GYPC: variants seen among roughly 807,000 people sequenced by gnomAD.
GYPC encodes glycophorin C (Gerbich blood group).
Under a neutral mutation model 12.6 loss-of-function variants are expected in GYPC, and 14 were observed. The observed-to-expected ratio is 1.11, with a 90% CI of 0.74 to 1.74. GYPC has a LOEUF of 1.74. Ranked by LOEUF, GYPC falls within the 40% of genes most tolerant of loss-of-function variation. The probability of loss-of-function intolerance (pLI) is 0.00; values close to 1 mark genes in which losing one functional copy is unlikely to be tolerated. For missense variants in GYPC, 225 were observed against 172.1 expected, an observed-to-expected ratio of 1.31 and a Z score of -1.72; for synonymous variants, 78 against 62.1, an observed-to-expected ratio of 1.26 and a Z score of -1.20.
intron 2 of GYPC, among the ~76,000 whole-genome samples, chr2:126,692,170 T>C (rs1433083441): frequency 2.0e-5 from 3 of 152,144 alleles, no homozygotes; most frequent in Admixed American, 6.6e-5. Context: ...ACACCGTGAA[T>C]GCTGGATCCT....
At chr2:126,685,778 C>T (rs1029561186) in intron 1 of GYPC, 19 of 984,714 alleles carry the variant, frequency 1.9e-5, no homozygotes, top group Middle Eastern at 5.2e-4. Flanking sequence ...AAGCAGTCAA[C>T]GTTGCTGTTG....
At chr2:126,656,671 G>T (rs981149982) in intron 1 of GYPC, among the ~76,000 whole-genome samples, 1 of 152,242 alleles carries the variant, frequency 6.6e-6, no homozygotes, top group African/African-American at 2.4e-5. Context: ...TTAGGTGAGA[G>T]TTCACATCAC....
chr2:126,689,044 G>T (rs1480586506), intron 1 of GYPC, among the ~76,000 whole-genome samples: 2 of 152,118 alleles, frequency 1.3e-5, no homozygotes, highest in Non-Finnish European at 2.9e-5. Context: ...GAAACATCAG[G>T]TCCCCAATGT....
intron 1 of GYPC, among the ~76,000 whole-genome samples, chr2:126,682,428 G>A (rs529651137): frequency 6.6e-6 from 1 of 152,270 alleles, no homozygotes; most frequent in African/African-American, 2.4e-5. Context: ...AGGCATGGGG[G>A]TAGACAGGGG....
chr2:126,663,960 CT>C (rs1682612046), intron 1 of GYPC, among the ~76,000 whole-genome samples: 2 of 26,602 alleles, frequency 7.5e-5, no homozygotes, highest in Non-Finnish European at 1.8e-4. Context: ...GTCTCTCTCT[CT>C]CTCTCTCTCT....
Position 126,693,935 on chromosome 2 carries a change from G to A in GYPC, c.178G>A (p.Val60Ile). 2 of 1,608,364 alleles carry A rather than the reference G, an allele frequency of 1.2e-6. No individual in the cohort carries two copies. Among genetic ancestry groups the A allele is most frequent in the Non-Finnish European group, 1.7e-6 (2 of 1,174,794 alleles). ...CTCCACCCCCACCATAATGGACATTGTCGTCATTGCAGGTGAGCTCTCATC... is the reference window on the plus strand; with the variant it reads ...CTCCACCCCCACCATAATGGACATTATCGTCATTGCAGGTGAGCTCTCATC... ...ETSTPTIMDIVVIAGVIAAVA... is the reference protein window; with the variant it reads ...ETSTPTIMDIIVIAGVIAAVA... Residue 60 changes from valine (V) to isoleucine (I), a missense_variant, in exon 3 of 4, where the codon GTC becomes ATC. Coordinates refer to ENST00000259254, the MANE Select transcript of GYPC (RefSeq NM_002101.5).
At chr2:126,667,016 C>T (rs553638273) in intron 1 of GYPC, among the ~76,000 whole-genome samples, 111 of 152,294 alleles carry the variant, frequency 7.3e-4, no homozygotes, top group Middle Eastern at 6.8e-3. Context: ...TTTTTCTACT[C>T]CACTATTTTT....
At chr2:126,686,947 T>C (rs1683309343) in intron 1 of GYPC, among the ~76,000 whole-genome samples, 1 of 152,104 alleles carries the variant, frequency 6.6e-6, no homozygotes, top group Admixed American at 6.5e-5. Context: ...AGGCTTTCAT[T>C]CCAGGCCCCT....
rs183907204 is a variant in GYPC, at chr2:126,688,498, G to A, written c.50-1757G>A. On this transcript the variant is annotated intron_variant, in intron 1 of 3. Transcript: ENST00000259254. ...CACTTGTTCACTGTAATAAAGTCTA[G>A]CACCCACTTGAACTTGCTATGGCTC... Among the ~76,000 whole-genome samples, 61 of 152,286 alleles carry A rather than the reference G, an allele frequency of 4.0e-4. 1 individual carries two copies. The highest frequency in any genetic ancestry group is 1.4e-3 in the African/African-American group (59 of 41,562).
At chr2:126,672,114 C>T (rs545384802) in intron 1 of GYPC, among the ~76,000 whole-genome samples, 6 of 152,262 alleles carry the variant, frequency 3.9e-5, no homozygotes, top group Admixed American at 2.6e-4. Flanking sequence ...TGCAGGTGGA[C>T]AGGTGAGGTG....
chr2:126,671,529 T>G (rs1341258353), intron 1 of GYPC, among the ~76,000 whole-genome samples: 1 of 152,178 alleles, frequency 6.6e-6, no homozygotes, highest in Non-Finnish European at 1.5e-5. Context: ...ATCATTAGAT[T>G]TGGAGATGGA....
chr2:126,688,398 T>C (rs1054667368), intron 1 of GYPC, among the ~76,000 whole-genome samples: 1 of 152,262 alleles, frequency 6.6e-6, no homozygotes, highest in Non-Finnish European at 1.5e-5. Flanking sequence ...CATTTATACA[T>C]GCATGCATTT....
intron 1 of GYPC, among the ~76,000 whole-genome samples, chr2:126,669,780 C>T (rs1000002500): frequency 6.6e-6 from 1 of 152,006 alleles, no homozygotes; most frequent in Non-Finnish European, 1.5e-5. Flanking sequence ...TAGTGTTTCC[C>T]GCTCATGGGC....
intron 1 of GYPC, among the ~76,000 whole-genome samples, chr2:126,688,790 T>A (rs1031697783): frequency 1.5e-4 from 23 of 152,170 alleles, no homozygotes; most frequent in African/African-American, 5.5e-4. Context: ...CAGCAGGCAG[T>A]TACTTATAAG....
intron 1 of GYPC, among the ~76,000 whole-genome samples, chr2:126,676,499 G>T (rs28387151): frequency 0.01 from 1,546 of 152,312 alleles, 27 homozygotes; most frequent in African/African-American, 0.035. Context: ...AGTCTCTAGT[G>T]CATTTATCAC....
chr2:126,665,665 C>A (rs571722234), intron 1 of GYPC, among the ~76,000 whole-genome samples: 14 of 152,342 alleles, frequency 9.2e-5, no homozygotes. Flanking sequence ...GATGCCGACG[C>A]AGGGCAAAGC....
Position 126,656,198 on chromosome 2 carries a change from T to A in GYPC, c.-66T>A. On this transcript the variant is annotated 5_prime_UTR_variant, in exon 1 of 4. Transcript: ENST00000259254. ...GGTCAGGAGCCCGGGAGCGCGACCC[T>A]CCCCCGGCCCGGCCTGGCCCGGCCT... 6.5e-7 allele frequency: 1 copy of A among 1,542,710 alleles called. No individual in the cohort carries two copies. The highest frequency in any genetic ancestry group is 1.9e-5 in the Admixed American group (1 of 51,830).
intron 1 of GYPC, among the ~76,000 whole-genome samples, chr2:126,672,497 G>A (rs1414648717): frequency 6.6e-6 from 1 of 152,120 alleles, no homozygotes; most frequent in African/African-American, 2.4e-5. Flanking sequence ...GTATCTTTCG[G>A]GTGCCTGGCC....
Position 126,696,248 on chromosome 2 carries a change from C to A in GYPC, c.*106C>A. Reference sequence around the variant, plus strand: ...GATACCACCAGACAGAGAGAGAGAGCACTTGATTCTTCCCGAGATAGCCAC... The same window carrying A: ...GATACCACCAGACAGAGAGAGAGAGAACTTGATTCTTCCCGAGATAGCCAC... On this transcript the variant is annotated 3_prime_UTR_variant, in exon 4 of 4. Transcript: ENST00000259254. 1.2e-6 allele frequency: 1 copy of A among 855,286 alleles called. No homozygotes were observed. Among genetic ancestry groups the A allele is most frequent in the Non-Finnish European group, 1.9e-6 (1 of 513,544 alleles). 53.0% of individuals were successfully genotyped at this position (855,286 alleles called of 1,614,324 possible).
Sources: gnomAD v4.1 joint callset for allele counts (sites outside exome capture counted in the v4.1 genomes callset) on GRCh38, gnomAD v4.1.1 for gene constraint, MANE v1.5 for transcripts, NCBI Gene and HGNC (gene_info 2026-07-23, HGNC 2026-07-21) for gene names.